Variants in RALYL observed in about 807,000 individuals in gnomAD.
The protein encoded by RALYL is RALY RNA binding protein like, also known as RNA-binding Raly-like protein.
A neutral mutation model predicts 35.1 loss-of-function variants in RALYL; 29 were observed. That is an observed-to-expected ratio of 0.83 (90% CI 0.61 to 1.13). The LOEUF (loss-of-function observed/expected upper bound fraction) is 1.13, where lower values mean the gene tolerates loss of function less well. Ranked by LOEUF, RALYL falls within the 50% of genes most tolerant of loss-of-function variation. RALYL has a pLI of 0.00. For synonymous variants in RALYL, 120 were observed against 127.6 expected (o/e 0.94, Z 0.40); for missense variants, 359 against 360.4 (o/e 1.00, Z 0.03).
chr8:84,617,396 C>G (rs1346987881), intron 2 of RALYL, among the ~76,000 whole-genome samples: 1 of 148,556 alleles, frequency 6.7e-6, no homozygotes, highest in Non-Finnish European at 1.5e-5. Context: ...CTCTGTTTGT[C>G]TGTTGTTGGT....
intron 2 of RALYL, among the ~76,000 whole-genome samples, chr8:84,699,850 AC>A (rs1034658203): frequency 4.6e-5 from 7 of 152,164 alleles, no homozygotes; most frequent in Admixed American, 2.6e-4. Flanking sequence ...TTTACGTTAT[AC>A]CTTTAAGGTA....
chr8:84,447,076 T>G (rs2048937227), intron 1 of RALYL, among the ~76,000 whole-genome samples: 2 of 151,962 alleles, frequency 1.3e-5, no homozygotes, highest in African/African-American at 4.8e-5. Context: ...TCAGTCCACA[T>G]TTTTTTGTCA....
chr8:84,291,914 T>C (rs148530910), intron 1 of RALYL, among the ~76,000 whole-genome samples: 23 of 149,284 alleles, frequency 1.5e-4, no homozygotes, highest in Admixed American at 4.7e-4. Flanking sequence ...TATATTCATA[T>C]ATATAATCTA....
At chr8:84,759,690 T>C (rs1812232056) in intron 2 of RALYL, among the ~76,000 whole-genome samples, 1 of 152,200 alleles carries the variant, frequency 6.6e-6, no homozygotes, top group Admixed American at 6.6e-5. Flanking sequence ...CCTAAGGTTT[T>C]CTTACTTATA....
At chr8:84,386,202 C>A (rs533679968) in intron 1 of RALYL, among the ~76,000 whole-genome samples, 3 of 151,910 alleles carry the variant, frequency 2.0e-5, no homozygotes, top group African/African-American at 7.2e-5. Context: ...ACTCTGGGAG[C>A]TTCAAGTGAA....
chr8:84,873,444 C>CGTT (rs1840590736), intron 7 of RALYL, 47 bp downstream of exon 7: 1 of 1,161,052 alleles, frequency 8.6e-7, no homozygotes. Flanking sequence ...ACCAGTGAAA[C>CGTT]GTTGTCAATC....
intron 1 of RALYL, among the ~76,000 whole-genome samples, chr8:84,505,893 G>A (rs1384079785): frequency 2.6e-5 from 4 of 152,154 alleles, no homozygotes; most frequent in Middle Eastern, 6.8e-3. Flanking sequence ...GGTATAGGGT[G>A]ACTTTTGATT....
At chr8:84,616,589 T>C (rs1207274357) in intron 2 of RALYL, among the ~76,000 whole-genome samples, 1 of 150,070 alleles carries the variant, frequency 6.7e-6, no homozygotes, top group Non-Finnish European at 1.5e-5. Context: ...AGAAGCTCTT[T>C]AGTTTAATTA....
intron 2 of RALYL, among the ~76,000 whole-genome samples, chr8:84,686,455 A>G (rs1034882462): frequency 2.2e-4 from 33 of 152,238 alleles, no homozygotes; most frequent in Non-Finnish European, 4.1e-4. Context: ...CCCAACCTGG[A>G]GTGCAGTGGT....
chr8:84,623,792 GA>G (rs1311177329), intron 2 of RALYL, among the ~76,000 whole-genome samples: 12 of 151,772 alleles, frequency 7.9e-5, no homozygotes, highest in Non-Finnish European at 7.4e-5. Flanking sequence ...AGAGTGAGAG[GA>G]AAAAAAATTT....
At chr8:84,507,611 G>T (rs1028966567) in intron 1 of RALYL, among the ~76,000 whole-genome samples, 2 of 152,118 alleles carry the variant, frequency 1.3e-5, no homozygotes, top group Admixed American at 6.6e-5. Context: ...TTTGCTCCTT[G>T]TTGCTCTGTG....
At chr8:84,425,243 A>G (rs542019040) in intron 1 of RALYL, among the ~76,000 whole-genome samples, 1 of 152,106 alleles carries the variant, frequency 6.6e-6, no homozygotes, top group Non-Finnish European at 1.5e-5. Flanking sequence ...TGTGGGATAT[A>G]GTCTCGTGGT....
intron 2 of RALYL, among the ~76,000 whole-genome samples, chr8:84,692,874 G>C (rs893745796): frequency 3.9e-5 from 6 of 151,956 alleles, no homozygotes; most frequent in African/African-American, 1.2e-4. Flanking sequence ...GGGAGACATG[G>C]TAATGGATCC....
intron 2 of RALYL, among the ~76,000 whole-genome samples, chr8:84,575,590 C>A (rs1023609627): frequency 1.3e-5 from 2 of 152,116 alleles, no homozygotes; most frequent in African/African-American, 4.8e-5. Context: ...AGCAAAGGCT[C>A]ATTCTTAATG....
At position 84,666,417 on chromosome 8, in the gene RALYL, C is replaced by T. The variant is rs113938654; in HGVS notation, c.257-108162C>T. On this transcript the variant is annotated intron_variant, in intron 2 of 8. Transcript: ENST00000521268. ...ATATTTAACAGTGAACCAGGCTCTGCACTAGAATCTGCAGGTATAACAAAG... is the reference window on the plus strand; with the variant it reads ...ATATTTAACAGTGAACCAGGCTCTGTACTAGAATCTGCAGGTATAACAAAG... Among the ~76,000 whole-genome samples, 1,216 of 152,068 alleles carry T rather than the reference C, an allele frequency of 8.0e-3. 15 individuals carry two copies. Among genetic ancestry groups the T allele is most frequent in the African/African-American group, 0.027 (1,125 of 41,534 alleles).
chr8:84,747,401 C>T (rs1042228053), intron 2 of RALYL, among the ~76,000 whole-genome samples: 1 of 151,854 alleles, frequency 6.6e-6, no homozygotes, highest in African/African-American at 2.4e-5. Flanking sequence ...AAGAGCAATA[C>T]AATGTCTCCT....
intron 1 of RALYL, among the ~76,000 whole-genome samples, chr8:84,350,589 A>C (rs1380853121): frequency 6.7e-6 from 1 of 150,200 alleles, no homozygotes; most frequent in African/African-American, 2.5e-5. Context: ...CCATGCATGT[A>C]TTACCTCAGA....
chr8:84,358,806 A>G (rs923844191), intron 1 of RALYL, among the ~76,000 whole-genome samples: 5 of 152,066 alleles, frequency 3.3e-5, no homozygotes, highest in African/African-American at 1.2e-4. Flanking sequence ...TGTGGATAAC[A>G]AAAATGAAAG....
intron 1 of RALYL, among the ~76,000 whole-genome samples, chr8:84,363,557 G>C (rs1853540600): frequency 6.6e-6 from 1 of 152,150 alleles, no homozygotes; most frequent in African/African-American, 2.4e-5. Context: ...TTTTAGCTTA[G>C]CTATGTTGAC....
Sources: allele counts gnomAD v4.1 joint callset (sites outside exome capture counted in the v4.1 genomes callset), GRCh38; gene constraint gnomAD v4.1.1; transcripts MANE v1.5; gene names NCBI Gene and HGNC (gene_info 2026-07-23, HGNC 2026-07-21).